SCHIP1: variants seen among roughly 807,000 people sequenced by gnomAD.
SCHIP1 encodes the protein schwannomin-interacting protein 1.
In SCHIP1, 8 loss-of-function variants were observed where a neutral mutation model predicts 29.7. The ratio of observed to expected loss-of-function variants is 0.27; its 90% CI spans 0.16 to 0.49. The LOEUF is 0.49. Among genes scored for constraint, SCHIP1 ranks in the 20% least tolerant of loss-of-function variants. SCHIP1 has a pLI of 0.99. For missense variants in SCHIP1, 193 were observed against 294.6 expected (o/e 0.66, Z 2.52); for synonymous variants, 76 against 94.9 (o/e 0.80, Z 1.16).
chr3:159,796,656 G>A, the SCHIP1 span, among the ~76,000 whole-genome samples: 1 of 152,112 alleles, frequency 6.6e-6, no homozygotes, highest in Non-Finnish European at 1.5e-5. Context: ...TTTTGATTTG[G>A]GGCATAAGAT....
the SCHIP1 span, among the ~76,000 whole-genome samples, chr3:159,505,789 A>G: frequency 6.6e-6 from 1 of 152,236 alleles, no homozygotes; most frequent in African/African-American, 2.4e-5. Flanking sequence ...TGTCCCTACA[A>G]AGGAAATGAA....
At chr3:159,595,989 A>G in the SCHIP1 span, among the ~76,000 whole-genome samples, 1 of 152,250 alleles carries the variant, frequency 6.6e-6, no homozygotes, top group South Asian at 2.1e-4. Context: ...GCACAGCAAA[A>G]GAAACTACCA....
chr3:159,510,198 CTCATT>C, the SCHIP1 span, among the ~76,000 whole-genome samples: 23 of 152,300 alleles, frequency 1.5e-4, no homozygotes, highest in South Asian at 1.4e-3. Context: ...AACTTCTCTT[CTCATT>C]TCATTTCATT....
the SCHIP1 span, among the ~76,000 whole-genome samples, chr3:159,358,139 T>C: frequency 6.6e-6 from 1 of 152,202 alleles, no homozygotes; most frequent in South Asian, 2.1e-4. Flanking sequence ...ATGGCTGTCA[T>C]GGAAGCAAAC....
At chr3:159,685,489 A>T in the SCHIP1 span, among the ~76,000 whole-genome samples, 1 of 152,224 alleles carries the variant, frequency 6.6e-6, no homozygotes, top group Admixed American at 6.5e-5. Context: ...ATAAACAACA[A>T]TTATTTACAA....
At chr3:159,693,091 C>A in the SCHIP1 span, among the ~76,000 whole-genome samples, 1,792 of 152,184 alleles carry the variant, frequency 0.012, 21 homozygotes, top group Non-Finnish European at 0.015. Context: ...CTTTTTAAAT[C>A]TCAAAATTAA....
chr3:159,544,871 T>G, the SCHIP1 span, among the ~76,000 whole-genome samples: 3 of 152,126 alleles, frequency 2.0e-5, no homozygotes, highest in African/African-American at 7.2e-5. Flanking sequence ...TGCTTCTATC[T>G]TTTCATATAT....
At chr3:159,312,069 T>C in the SCHIP1 span, among the ~76,000 whole-genome samples, 7 of 152,340 alleles carry the variant, frequency 4.6e-5, no homozygotes, top group Admixed American at 2.0e-4. Context: ...TTGTACATTG[T>C]GTCTGGAAAG....
the SCHIP1 span, among the ~76,000 whole-genome samples, chr3:159,414,502 G>T: frequency 1.3e-3 from 191 of 152,272 alleles, 3 homozygotes; most frequent in South Asian, 0.031. Context: ...ATCCAGTTTA[G>T]AAATTCCAAA....
the SCHIP1 span, among the ~76,000 whole-genome samples, chr3:159,828,443 A>G: frequency 1.1e-3 from 113 of 100,484 alleles, 11 homozygotes; most frequent in African/African-American, 5.1e-3. Flanking sequence ...ATATATACGT[A>G]TATATATACG....
chr3:159,291,297 TG>T, the SCHIP1 span, among the ~76,000 whole-genome samples: 1 of 152,098 alleles, frequency 6.6e-6, no homozygotes, highest in Non-Finnish European at 1.5e-5. Flanking sequence ...GAGAAATTAT[TG>T]GACACCACTG....
the SCHIP1 span, among the ~76,000 whole-genome samples, chr3:159,392,352 G>A: frequency 2.6e-5 from 4 of 152,030 alleles, no homozygotes; most frequent in African/African-American, 9.7e-5. Context: ...GGGTACATGT[G>A]CACATTGTGC....
the SCHIP1 span, among the ~76,000 whole-genome samples, chr3:159,632,914 A>G: frequency 1.3e-5 from 2 of 152,204 alleles, no homozygotes; most frequent in Non-Finnish European, 2.9e-5. Context: ...ACTTCTAAAT[A>G]AGGTGCTGAA....
the SCHIP1 span, among the ~76,000 whole-genome samples, chr3:159,548,667 G>A: frequency 6.6e-6 from 1 of 151,684 alleles, no homozygotes; most frequent in Non-Finnish European, 1.5e-5. Flanking sequence ...GCTTTCACCT[G>A]TCATTTCCCT....
chr3:159,868,009 T>G (rs929848021), intron 2 of SCHIP1, among the ~76,000 whole-genome samples: 3 of 148,456 alleles, frequency 2.0e-5, no homozygotes, highest in African/African-American at 7.4e-5. Context: ...GATTTATATA[T>G]ATATAAATCA....
intron 1 of SCHIP1, among the ~76,000 whole-genome samples, chr3:159,848,765 G>C (rs770283918): frequency 1.3e-5 from 2 of 152,028 alleles, no homozygotes; most frequent in East Asian, 3.9e-4. Context: ...AATCTGCTTG[G>C]AGAACACACT....
intron 1 of SCHIP1, among the ~76,000 whole-genome samples, chr3:159,841,146 C>T (rs1209195296): frequency 6.6e-6 from 1 of 152,192 alleles, no homozygotes; most frequent in Non-Finnish European, 1.5e-5. Context: ...TTACCTGAGA[C>T]AAGCAAGTGT....
the SCHIP1 span, among the ~76,000 whole-genome samples, chr3:159,442,098 G>A: frequency 6.6e-6 from 1 of 152,176 alleles, no homozygotes; most frequent in African/African-American, 2.4e-5. Flanking sequence ...AGAGTAGAGT[G>A]TGAAAATGGG....
the SCHIP1 span, among the ~76,000 whole-genome samples, chr3:159,519,307 G>A: frequency 6.6e-6 from 1 of 152,110 alleles, no homozygotes; most frequent in Non-Finnish European, 1.5e-5. Flanking sequence ...TCCAACTACA[G>A]GCTTGATTTG....
Sources: allele counts gnomAD v4.1 joint callset (sites outside exome capture counted in the v4.1 genomes callset), GRCh38; gene constraint gnomAD v4.1.1; transcripts MANE v1.5; gene names NCBI Gene and HGNC (gene_info 2026-07-23, HGNC 2026-07-21).